The following ANXA13 variants were observed in gnomAD, a reference collection of about 807,000 sequenced individuals.
ANXA13 encodes annexin A13.
A neutral mutation model predicts 46.6 loss-of-function variants in ANXA13; 36 were observed. The ratio of observed to expected loss-of-function variants is 0.77; its 90% CI spans 0.59 to 1.02. The LOEUF (loss-of-function observed/expected upper bound fraction) is 1.02, where lower values mean the gene tolerates loss of function less well. Among genes scored for constraint, ANXA13 ranks in the 50% least tolerant of loss-of-function variants. ANXA13 has a pLI of 0.00. For synonymous variants in ANXA13, 163 were observed against 152.9 expected (o/e 1.07, Z -0.49); for missense variants, 417 against 396.5 (o/e 1.05, Z -0.44).
intron 3 of ANXA13, among the ~76,000 whole-genome samples, chr8:123,702,365 G>T (rs1337309698): frequency 6.6e-6 from 1 of 151,854 alleles, no homozygotes; most frequent in Admixed American, 6.5e-5. Flanking sequence ...TGTACAGTTA[G>T]TCCCAATTAA....
intron 9 of ANXA13, among the ~76,000 whole-genome samples, chr8:123,687,404 G>A (rs1005326846): frequency 2.0e-5 from 3 of 152,064 alleles, no homozygotes; most frequent in African/African-American, 4.8e-5. Flanking sequence ...GGTCATCGCC[G>A]AGGTCTGAAT....
chr8:123,717,134 G>A (rs771964509), intron 1 of ANXA13, among the ~76,000 whole-genome samples: 3 of 152,148 alleles, frequency 2.0e-5, no homozygotes, highest in Non-Finnish European at 4.4e-5. Context: ...GGAGGTCTGC[G>A]CTTTGAGCCC....
At chr8:123,708,134 T>G (rs896566113) in intron 2 of ANXA13, among the ~76,000 whole-genome samples, 1 of 152,044 alleles carries the variant, frequency 6.6e-6, no homozygotes, top group Non-Finnish European at 1.5e-5. Flanking sequence ...TGTAAATACT[T>G]ACAATGGTTT....
At chr8:123,729,036 T>A (rs1814057776) in intron 1 of ANXA13, 1 of 152,110 alleles carries the variant, frequency 6.6e-6, no homozygotes, top group Non-Finnish European at 1.5e-5. Flanking sequence ...CAGTAGTATA[T>A]TAATAAATAT....
chr8:123,700,744 C>T (rs891522592), intron 3 of ANXA13, among the ~76,000 whole-genome samples: 2 of 151,716 alleles, frequency 1.3e-5, no homozygotes, highest in Admixed American at 6.6e-5. Context: ...CTCTCTCTTT[C>T]ATTCTTTTGT....
At chr8:123,734,299 C>T (rs948793744) in intron 1 of ANXA13, among the ~76,000 whole-genome samples, 1 of 152,060 alleles carries the variant, frequency 6.6e-6, no homozygotes, top group African/African-American at 2.4e-5. Flanking sequence ...TTGTGAAAAC[C>T]CAGACAATAG....
At chr8:123,724,567 G>T (rs1813946489) in intron 1 of ANXA13, among the ~76,000 whole-genome samples, 1 of 152,218 alleles carries the variant, frequency 6.6e-6, no homozygotes, top group Non-Finnish European at 1.5e-5. Context: ...GTTTACACAA[G>T]AAAGAAATCC....
rs185502012 is a variant in ANXA13 at position 123,701,067 on chromosome 8, C to T, written c.186+1575G>A. Among the ~76,000 whole-genome samples, 58 of 152,286 alleles carry T rather than the reference C, an allele frequency of 3.8e-4. 1 individual carries two copies. The highest frequency in any genetic ancestry group is 1.4e-3 in the African/African-American group (57 of 41,566). ...TCAAGTGATCCTCCTGCCTTGGCCT[C>T]CCAAAGTGTTGGGATTACAGGTGTG... On this transcript the variant is annotated intron_variant, in intron 3 of 10. Coordinates refer to ENST00000419625, the MANE Select transcript of ANXA13 (RefSeq NM_004306.4).
chr8:123,705,141 T>G (rs1813517043), intron 2 of ANXA13, among the ~76,000 whole-genome samples: 1 of 152,212 alleles, frequency 6.6e-6, no homozygotes, highest in East Asian at 1.9e-4. Flanking sequence ...CAGTCTTTTT[T>G]ACTCTCAAAT....
chr8:123,731,190 G>A (rs1586343610), intron 1 of ANXA13, among the ~76,000 whole-genome samples: 2 of 152,144 alleles, frequency 1.3e-5, no homozygotes, highest in Non-Finnish European at 2.9e-5. Context: ...TTCCTAACAA[G>A]ATCCTGGATT....
intron 2 of ANXA13, 150 bp downstream of exon 2, chr8:123,712,528 A>C (rs1290162615): frequency 1.4e-6 from 1 of 699,668 alleles, no homozygotes; most frequent in East Asian, 2.7e-5. Context: ...GCGAACTTTA[A>C]TAAAGAGGTT....
At chr8:123,704,518 T>C (rs1210502825) in intron 2 of ANXA13, among the ~76,000 whole-genome samples, 1 of 151,972 alleles carries the variant, frequency 6.6e-6, no homozygotes, top group East Asian at 1.9e-4. Flanking sequence ...TGCCTCAGCC[T>C]CCCGAGTAGC....
chr8:123,734,489 A>T (rs918364249), intron 1 of ANXA13, among the ~76,000 whole-genome samples: 1 of 152,158 alleles, frequency 6.6e-6, no homozygotes, highest in African/African-American at 2.4e-5. Context: ...CTGCTGCTCC[A>T]CATAGGTTAG....
At chr8:123,718,578 G>C (rs187000562) in intron 1 of ANXA13, among the ~76,000 whole-genome samples, 2 of 152,340 alleles carry the variant, frequency 1.3e-5, no homozygotes, top group Admixed American at 6.5e-5. Context: ...TCAGCTCTAT[G>C]AAAGGCACTG....
chr8:123,702,795 T>C (rs1238174355), intron 2 of ANXA13, 59 bp from the exon 3 acceptor site: 1 of 1,511,530 alleles, frequency 6.6e-7, no homozygotes, highest in African/African-American at 1.4e-5. Flanking sequence ...TGGAAGTTTA[T>C]TTTAGTCCAG....
At chr8:123,723,138 T>C (rs981865682) in intron 1 of ANXA13, among the ~76,000 whole-genome samples, 1 of 152,054 alleles carries the variant, frequency 6.6e-6, no homozygotes, top group Admixed American at 6.5e-5. Flanking sequence ...TCTATGCAAA[T>C]GGATTGCTGA....
chr8:123,734,398 CAAG>C (rs1158939375), intron 1 of ANXA13, among the ~76,000 whole-genome samples: 1 of 152,142 alleles, frequency 6.6e-6, no homozygotes, highest in Non-Finnish European at 1.5e-5. Flanking sequence ...TCACTGGACA[CAAG>C]GACATGTCCT....
At chr8:123,715,595 T>G (rs1299601177) in intron 1 of ANXA13, among the ~76,000 whole-genome samples, 2 of 152,222 alleles carry the variant, frequency 1.3e-5, no homozygotes, top group Non-Finnish European at 2.9e-5. Flanking sequence ...AATGGCTGTG[T>G]GGGTTATGCC....
At chr8:123,684,847 G>A (rs1813111255) in intron 9 of ANXA13, 125 bp from the exon 10 acceptor site, 4 of 676,638 alleles carry the variant, frequency 5.9e-6, no homozygotes, top group South Asian at 3.6e-5. Flanking sequence ...GGTGTGAAAA[G>A]AGCTGACTTG....
Sources: gnomAD v4.1 joint callset for allele counts (sites outside exome capture counted in the v4.1 genomes callset) on GRCh38, gnomAD v4.1.1 for gene constraint, MANE v1.5 for transcripts, NCBI Gene and HGNC (gene_info 2026-07-23, HGNC 2026-07-21) for gene names.